METTL25: variants seen among roughly 807,000 people sequenced by gnomAD.
METTL25 encodes the protein probable methyltransferase-like protein 25.
METTL25 carries 64 observed loss-of-function variants against 71.6 expected under a neutral mutation model. The ratio of observed to expected loss-of-function variants is 0.89; its 90% CI spans 0.73 to 1.10. The LOEUF (loss-of-function observed/expected upper bound fraction) is 1.10, where lower values mean the gene tolerates loss of function less well. Ranked by LOEUF, METTL25 falls within the 50% of genes least tolerant of loss-of-function variation. The pLI, the probability that METTL25 is intolerant of heterozygous loss-of-function variation, is 0.00. For synonymous variants in METTL25, 287 were observed against 250.3 expected (o/e 1.15, Z -1.38); for missense variants, 807 against 707.0 (o/e 1.14, Z -1.60).
rs1213784586 is a variant in METTL25 at position 82,403,716 on chromosome 12, C to A, written c.1279+586C>A. 2.0e-5 allele frequency among the ~76,000 whole-genome samples: 3 copies of A among 152,238 alleles called. No homozygotes were observed. The East Asian group carries it at 5.8e-4, about 29-fold the overall frequency. ...GAGTAGGTTTGCAAGATTTGAAGCA[C>A]CCCACATATTCATTCAGAGCAGCTC... On this transcript the variant is annotated intron_variant, in intron 5 of 11. Transcript: ENST00000248306.
At chr12:82,438,568 C>A in intron 7 of METTL25, 150 bp from the exon 8 acceptor site, 5 of 284,474 alleles carry the variant, frequency 1.8e-5, no homozygotes, top group Non-Finnish European at 2.6e-5. Context: ...CAGGGTAACA[C>A]TTTCGCTCGT....
chr12:82,461,924 T>C (rs1891907412), intron 9 of METTL25, among the ~76,000 whole-genome samples: 1 of 152,236 alleles, frequency 6.6e-6, no homozygotes, highest in African/African-American at 2.4e-5. Context: ...ATTTCTTATA[T>C]ATTGTCTCCC....
chr12:82,438,743 G>A lies in METTL25; in HGVS notation c.1430G>A (p.Arg477His), dbSNP rs776198458. ...CTGCCTACTGAATCACTCTTCTATC[G>A]TGCTGTTCTTCAGGATATTATTAAA... ...QGLPTESLFY[R>H]AVLQDIIKDC... Residue 477 changes from arginine to histidine, a missense_variant, in exon 8 of 12, where the codon CGT becomes CAT. Arg to His is a conservative substitution (Grantham distance 29). Coordinates refer to ENST00000248306, the MANE Select transcript of METTL25 (RefSeq NM_032230.3). 102 of 1,532,808 alleles carry A rather than the reference G, an allele frequency of 6.7e-5. No homozygotes were observed. Among genetic ancestry groups the A allele is most frequent in the Middle Eastern group, 1.7e-4 (1 of 5,806 alleles). The allele number at this position is 1,532,808 out of a possible 1,614,324, so 95.0% of individuals were successfully genotyped here. A position where few individuals can be genotyped will look rare whatever the true frequency, so the allele number is the denominator to read the frequency against.
At chr12:82,453,384 G>A (rs556679832) in intron 8 of METTL25, among the ~76,000 whole-genome samples, 3 of 152,240 alleles carry the variant, frequency 2.0e-5, no homozygotes, top group South Asian at 4.2e-4. Flanking sequence ...TAACAGTATT[G>A]AGTATGAATC....
At chr12:82,428,414 C>A (rs146149259) in intron 5 of METTL25, among the ~76,000 whole-genome samples, 1 of 151,716 alleles carries the variant, frequency 6.6e-6, no homozygotes, top group Non-Finnish European at 1.5e-5. Flanking sequence ...CTTTTTACAG[C>A]GAGATCTGTA....
intron 5 of METTL25, chr12:82,408,075 T>C (rs1592671108): frequency 2.7e-6 from 1 of 363,866 alleles, no homozygotes. Flanking sequence ...AATAATAATC[T>C]CTAGGCATAG....
chr12:82,386,734 T>A (rs1257025397), intron 1 of METTL25, 69 bp from the exon 2 acceptor site: 4 of 1,273,456 alleles, frequency 3.1e-6, no homozygotes, highest in Non-Finnish European at 4.5e-6. Context: ...GTTCATTTGT[T>A]GTTTATTAAT....
intron 5 of METTL25, among the ~76,000 whole-genome samples, chr12:82,423,583 A>G (rs1344333864): frequency 6.6e-6 from 1 of 152,246 alleles, no homozygotes; most frequent in Non-Finnish European, 1.5e-5. Context: ...AGCAAAAGAA[A>G]CTACCATCGG....
At chr12:82,366,527 A>G (rs533773882) in intron 1 of METTL25, among the ~76,000 whole-genome samples, 248 of 152,114 alleles carry the variant, frequency 1.6e-3, no homozygotes, top group Non-Finnish European at 2.6e-3. Flanking sequence ...TGAACAACAC[A>G]GAAAGTGTAT....
intron 1 of METTL25, 52 bp from the exon 2 acceptor site, chr12:82,386,751 C>G: frequency 7.3e-7 from 1 of 1,362,430 alleles, no homozygotes; most frequent in South Asian, 1.2e-5. Context: ...TAATATCACA[C>G]TAATTAACCA....
At chr12:82,366,365 C>G (rs1024836318) in intron 1 of METTL25, among the ~76,000 whole-genome samples, 2 of 152,142 alleles carry the variant, frequency 1.3e-5, no homozygotes, top group African/African-American at 4.8e-5. Flanking sequence ...TTTCTCTTGA[C>G]TTTTCTTTCA....
chr12:82,361,532 A>T (rs949748064), intron 1 of METTL25, among the ~76,000 whole-genome samples: 3 of 152,162 alleles, frequency 2.0e-5, no homozygotes, highest in Non-Finnish European at 4.4e-5. Flanking sequence ...GGACTCAGGC[A>T]TGGCGGGCTG....
At chr12:82,383,606 A>AATAATAG (rs1372282305) in intron 1 of METTL25, among the ~76,000 whole-genome samples, 1 of 152,190 alleles carries the variant, frequency 6.6e-6, no homozygotes, top group Non-Finnish European at 1.5e-5. Flanking sequence ...TAAATGTTAG[A>AATAATAG]ATAATAGGGA....
chr12:82,393,206 G>T (rs138206066), intron 3 of METTL25, among the ~76,000 whole-genome samples: 7 of 152,032 alleles, frequency 4.6e-5, no homozygotes, highest in Non-Finnish European at 1.0e-4. Context: ...TGAATCTCTA[G>T]ATTTCTTTGG....
chr12:82,447,636 G>C lies in METTL25; in HGVS notation c.1478+8845G>C, dbSNP rs1022340728. 1.3e-5 allele frequency among the ~76,000 whole-genome samples: 2 copies of C among 152,146 alleles called. 1 individual carries two copies. Among genetic ancestry groups the C allele is most frequent in the African/African-American group, 4.8e-5 (2 of 41,444 alleles). On this transcript the variant is annotated intron_variant, in intron 8 of 11. Coordinates refer to ENST00000248306, the MANE Select transcript of METTL25 (RefSeq NM_032230.3). ...GTCATAGTTTCCTGTGGGAGTTGCGGGGAGCAGTGGATTATTAGGCAGAAT... is the reference window on the plus strand; with the variant it reads ...GTCATAGTTTCCTGTGGGAGTTGCGCGGAGCAGTGGATTATTAGGCAGAAT...
chr12:82,447,592 G>C (rs1890845450), intron 8 of METTL25, among the ~76,000 whole-genome samples: 1 of 150,058 alleles, frequency 6.7e-6, no homozygotes, highest in Non-Finnish European at 1.5e-5. Flanking sequence ...ACATAAGTAA[G>C]GTAAACACAA....
intron 1 of METTL25, among the ~76,000 whole-genome samples, chr12:82,366,902 G>A (rs1435549551): frequency 6.6e-6 from 1 of 152,054 alleles, no homozygotes; most frequent in African/African-American, 2.4e-5. Flanking sequence ...TAACAAGATA[G>A]TGGCCAGTGT....
chr12:82,434,082 G>T (rs1189143170), intron 6 of METTL25, among the ~76,000 whole-genome samples: 1 of 150,828 alleles, frequency 6.6e-6, no homozygotes, highest in Non-Finnish European at 1.5e-5. Flanking sequence ...AAATATAAAT[G>T]CAAAAACCAG....
At chr12:82,474,045 G>C (rs536791043) in intron 9 of METTL25, among the ~76,000 whole-genome samples, 1 of 152,222 alleles carries the variant, frequency 6.6e-6, no homozygotes, top group South Asian at 2.1e-4. Flanking sequence ...AGGTGGGAGT[G>C]GGGAGTGCGC....
Sources: allele counts gnomAD v4.1 joint callset (sites outside exome capture counted in the v4.1 genomes callset), GRCh38; gene constraint gnomAD v4.1.1; transcripts MANE v1.5; gene names NCBI Gene and HGNC (gene_info 2026-07-23, HGNC 2026-07-21).